Variants in FAM83A observed in about 807,000 individuals in gnomAD.
FAM83A encodes protein FAM83A.
A neutral mutation model predicts 24.4 loss-of-function variants in FAM83A; 21 were observed. The ratio of observed to expected loss-of-function variants is 0.86; its 90% CI spans 0.61 to 1.24. The LOEUF (loss-of-function observed/expected upper bound fraction) is 1.24. Ranked by LOEUF, FAM83A falls within the 50% of genes most tolerant of loss-of-function variation. The pLI, the probability that FAM83A is intolerant of heterozygous loss-of-function variation, is 0.00. For missense variants in FAM83A, 617 were observed against 579.8 expected (o/e 1.06, Z -0.66); for synonymous variants, 270 against 252.4 (o/e 1.07, Z -0.66).
chr8:123,195,537 G>A (rs1824119501), intron 3 of FAM83A, among the ~76,000 whole-genome samples: 1 of 152,160 alleles, frequency 6.6e-6, no homozygotes, highest in South Asian at 2.1e-4. Context: ...AATTTGTACA[G>A]TGTCTTAGTC....
chr8:123,183,039 C>T (rs1419537927), exon 1 of FAM83A: 1 of 1,611,308 alleles, frequency 6.2e-7, no homozygotes, highest in Non-Finnish European at 8.5e-7. Flanking sequence ...GCGAGGTGGA[C>T]TTCTTGTCCT....
At chr8:123,198,417 T>C (rs1292252806) in intron 3 of FAM83A, among the ~76,000 whole-genome samples, 1 of 152,186 alleles carries the variant, frequency 6.6e-6, no homozygotes, top group African/African-American at 2.4e-5. Flanking sequence ...CAAGTTCTTA[T>C]TATCTGTGTG....
chr8:123,181,613 T>C (rs997350990), upstream of FAM83A: 10 of 172,900 alleles, frequency 5.8e-5, no homozygotes, highest in East Asian at 1.4e-3. Flanking sequence ...CTAGGACTCC[T>C]TAGATAAACT....
At chr8:123,185,749 C>A (rs1005374102) in intron 1 of FAM83A, among the ~76,000 whole-genome samples, 1 of 152,200 alleles carries the variant, frequency 6.6e-6, no homozygotes, top group African/African-American at 2.4e-5. Flanking sequence ...TATTGGTTAA[C>A]AGGCACTCTA....
chr8:123,188,740 C>T (rs1206215750), intron 1 of FAM83A, among the ~76,000 whole-genome samples: 3 of 152,222 alleles, frequency 2.0e-5, no homozygotes, highest in Non-Finnish European at 2.9e-5. Flanking sequence ...GCCTCGGCCT[C>T]CCAAAGCGCT....
In FAM83A at chr8:123,207,535, C is replaced by CCTCT. The variant is rs1563791023; in HGVS notation, c.1154_1157dup (p.Pro387LeufsTer161). 1 of 1,564,802 alleles carries CCTCT rather than the reference C, an allele frequency of 6.4e-7. No homozygotes were observed. Among genetic ancestry groups the CCTCT allele is most frequent in the South Asian group, 1.2e-5 (1 of 85,686 alleles). ...GGGGAGCCCCGAGTCCCCAGGCCCA[C>CCTCT]CTCTCCCCGCGGCCCCACGACGGCC... On this transcript the variant is annotated frameshift_variant, in exon 4 of 4. Coordinates refer to ENST00000690554, the Ensembl canonical transcript of FAM83A. LOFTEE classifies it low-confidence loss of function (END_TRUNC).
chr8:123,181,956 G>C (rs1469894529), upstream of FAM83A: 6 of 448,550 alleles, frequency 1.3e-5, no homozygotes, highest in Admixed American at 1.4e-4. Flanking sequence ...ATCTGATCTG[G>C]AAAGAACACG....
chr8:123,193,978 C>G (rs1447772828), intron 2 of FAM83A, 46 bp from the exon 3 acceptor site: 2 of 1,611,356 alleles, frequency 1.2e-6, no homozygotes, highest in African/African-American at 1.3e-5. Flanking sequence ...AAATGTATCT[C>G]TATAAACAGA....
chr8:123,208,727 G>A (rs1824642986), exon 4 of FAM83A: 2 of 985,472 alleles, frequency 2.0e-6, no homozygotes, highest in African/African-American at 3.5e-5. Flanking sequence ...CAGGCGTGGT[G>A]GCTCATGCCT....
At chr8:123,198,975 A>G (rs1267448739) in intron 3 of FAM83A, among the ~76,000 whole-genome samples, 2 of 152,072 alleles carry the variant, frequency 1.3e-5, no homozygotes, top group Non-Finnish European at 1.5e-5. Context: ...CTTGACCTCA[A>G]TTGATGCGCC....
At chr8:123,193,697 C>A (rs77127868) in intron 2 of FAM83A, among the ~76,000 whole-genome samples, 13 of 152,328 alleles carry the variant, frequency 8.5e-5, no homozygotes, top group Non-Finnish European at 1.5e-4. Flanking sequence ...AGGCTGGGAA[C>A]TCCAAGATCA....
chr8:123,190,330 C>T (rs191344314), intron 1 of FAM83A, among the ~76,000 whole-genome samples: 75 of 152,108 alleles, frequency 4.9e-4, no homozygotes, highest in Non-Finnish European at 9.4e-4. Context: ...GGTGCGATCT[C>T]GGCTCACTGC....
chr8:123,198,462 G>A (rs946135194), intron 3 of FAM83A, among the ~76,000 whole-genome samples: 5 of 152,132 alleles, frequency 3.3e-5, no homozygotes, highest in Non-Finnish European at 5.9e-5. Context: ...TTAAGCGACC[G>A]GGAGGGATTT....
intron 3 of FAM83A, among the ~76,000 whole-genome samples, chr8:123,200,956 A>C (rs1380100476): frequency 1.5e-5 from 2 of 132,526 alleles, no homozygotes; most frequent in Non-Finnish European, 3.2e-5. Flanking sequence ...AAACAAATAA[A>C]CAAAAAAAAA....
chr8:123,185,910 C>A (rs1320090153), intron 1 of FAM83A, among the ~76,000 whole-genome samples: 2 of 152,136 alleles, frequency 1.3e-5, no homozygotes, highest in Non-Finnish European at 2.9e-5. Context: ...CCTGCCTCAG[C>A]CTCCCGAGTA....
chr8:123,203,432 A>T (rs886574643), intron 3 of FAM83A, among the ~76,000 whole-genome samples: 1 of 151,910 alleles, frequency 6.6e-6, no homozygotes, highest in Non-Finnish European at 1.5e-5. Context: ...TACTAAAAAT[A>T]CAAAAATTAG....
chr8:123,187,904 A>C (rs921064439), intron 1 of FAM83A, among the ~76,000 whole-genome samples: 3 of 151,914 alleles, frequency 2.0e-5, no homozygotes, highest in Admixed American at 2.0e-4. Context: ...TCTGTTGCCC[A>C]GGCTGGAGTG....
intron 3 of FAM83A, among the ~76,000 whole-genome samples, chr8:123,199,568 C>G (rs1441184221): frequency 6.6e-6 from 1 of 152,106 alleles, no homozygotes; most frequent in Non-Finnish European, 1.5e-5. Context: ...AACCCCATCT[C>G]TACTAAAAAT....
intron 3 of FAM83A, among the ~76,000 whole-genome samples, chr8:123,198,982 C>T (rs939648143): frequency 1.3e-5 from 2 of 152,106 alleles, no homozygotes; most frequent in East Asian, 1.9e-4. Context: ...TCAATTGATG[C>T]GCCCTCCTCG....
Sources: allele counts gnomAD v4.1 joint callset (sites outside exome capture counted in the v4.1 genomes callset), GRCh38; gene constraint gnomAD v4.1.1; transcripts MANE v1.5; gene names NCBI Gene and HGNC (gene_info 2026-07-23, HGNC 2026-07-21).